Variants in AATF observed in about 807,000 individuals in gnomAD.
The protein encoded by AATF is protein AATF.
Under a neutral mutation model 63.7 loss-of-function variants are expected in AATF, and 48 were observed. The observed-to-expected ratio is 0.75, with a 90% CI of 0.60 to 0.96. AATF has a LOEUF of 0.96. AATF is among the 40% of genes least tolerant of loss of function. The pLI, the probability that AATF is intolerant of heterozygous loss-of-function variation, is 0.00. For missense variants in AATF, 639 were observed against 685.7 expected (o/e 0.93, Z 0.76); for synonymous variants, 258 against 247.7 (o/e 1.04, Z -0.39).
intron 11 of AATF, among the ~76,000 whole-genome samples, chr17:37,037,340 G>C (rs2071601810): frequency 6.6e-6 from 1 of 152,154 alleles, no homozygotes; most frequent in Non-Finnish European, 1.5e-5. Context: ...AAGAGGCAAA[G>C]GATCACTTGT....
At chr17:36,958,934 C>A (rs2070923903) in intron 4 of AATF, among the ~76,000 whole-genome samples, 1 of 151,896 alleles carries the variant, frequency 6.6e-6, no homozygotes, top group Admixed American at 6.6e-5. Flanking sequence ...CACCTGAGGT[C>A]AGGAGTTCGA....
intron 10 of AATF, among the ~76,000 whole-genome samples, chr17:37,021,905 T>C (rs1321834979): frequency 6.6e-6 from 1 of 152,014 alleles, no homozygotes; most frequent in East Asian, 1.9e-4. Context: ...CACAGTATGC[T>C]AAAAAGATAT....
intron 8 of AATF, among the ~76,000 whole-genome samples, chr17:36,991,650 A>G (rs971524875): frequency 5.3e-5 from 8 of 151,634 alleles, no homozygotes; most frequent in Middle Eastern, 3.4e-3. Context: ...CAGTGGCGCA[A>G]TCTCGGCTCA....
Position 36,949,052 on chromosome 17 carries a change from G to C in AATF, c.-74G>C. ...GATCAAGGCGAGAGGATCCGGCAGG[G>C]AAGGAGCTTCGGGGCCGGGGGTTGG... On this transcript the variant is annotated 5_prime_UTR_variant, in exon 1 of 12. Transcript: ENST00000619387. 2 of 1,324,216 alleles carry C rather than the reference G, an allele frequency of 1.5e-6. No homozygotes were observed. The highest frequency in any genetic ancestry group is 2.6e-5 in the East Asian group (1 of 38,928). The allele number at this position is 1,324,216 out of a possible 1,614,324, so 82.0% of individuals were successfully genotyped here.
chr17:36,990,699 A>G (rs1266217796), intron 7 of AATF, 75 bp from the exon 8 acceptor site: 10 of 890,954 alleles, frequency 1.1e-5, no homozygotes, highest in Admixed American at 2.7e-5. Context: ...ACTGTTCTAC[A>G]TATTATTTAT....
rs1197584220 is a variant in AATF, at chr17:36,986,727, G to A, written c.943G>A (p.Gly315Arg). 1 of 1,611,950 alleles carries A rather than the reference G, an allele frequency of 6.2e-7. No individual in the cohort carries two copies. Among genetic ancestry groups the A allele is most frequent in the African/African-American group, 1.3e-5 (1 of 74,946 alleles). ...YLVDGTKPNA[G>R]SEEISSEDDE... ...AGTAGATGGGACAAAGCCCAATGCG[G>A]GAAGGTAAGAGAACAGAATCATGGA... is the stretch of plus-strand genomic sequence containing the variant. Residue 315 changes from glycine to arginine, a missense_variant, in exon 5 of 12, where the codon GGA becomes AGA. By Grantham distance (125) the Gly-to-Arg change is moderately radical. Transcript: ENST00000619387.
intron 8 of AATF, among the ~76,000 whole-genome samples, chr17:37,012,269 G>A (rs1029724845): frequency 1.3e-5 from 2 of 152,072 alleles, no homozygotes; most frequent in Admixed American, 6.5e-5. Flanking sequence ...TGGCCAGGCT[G>A]GTCTCGAACT....
intron 4 of AATF, among the ~76,000 whole-genome samples, chr17:36,965,746 C>T (rs770789870): frequency 1.1e-4 from 16 of 152,100 alleles, no homozygotes; most frequent in East Asian, 1.9e-4. Context: ...CTCTTGCCCA[C>T]GCTGGAGTGT....
At chr17:36,952,804 C>T in intron 2 of AATF, 82 bp from the exon 3 acceptor site, 1 of 1,528,938 alleles carries the variant, frequency 6.5e-7, no homozygotes, top group Non-Finnish European at 8.8e-7. Context: ...TGCCACAGTG[C>T]TTAAGTTGAA....
intron 11 of AATF, among the ~76,000 whole-genome samples, chr17:37,048,453 C>T (rs1208799601): frequency 6.7e-6 from 1 of 150,106 alleles, no homozygotes; most frequent in Non-Finnish European, 1.5e-5. Flanking sequence ...TCACTGCAAC[C>T]TCCGCCTCCC....
chr17:37,049,280 C>T (rs917328427), intron 11 of AATF, among the ~76,000 whole-genome samples: 2 of 152,126 alleles, frequency 1.3e-5, no homozygotes, highest in Non-Finnish European at 2.9e-5. Flanking sequence ...TTCTATTAAG[C>T]TGGTTTCTCT....
chr17:36,954,584 A>G (rs957593999), intron 4 of AATF, among the ~76,000 whole-genome samples: 10 of 152,232 alleles, frequency 6.6e-5, no homozygotes, highest in Non-Finnish European at 1.5e-5. Flanking sequence ...GAGTGAGGAA[A>G]GATGATATGC....
intron 8 of AATF, among the ~76,000 whole-genome samples, chr17:37,004,237 A>G (rs1216920798): frequency 6.6e-6 from 1 of 152,188 alleles, no homozygotes; most frequent in Non-Finnish European, 1.5e-5. Flanking sequence ...AGGCCGAGGC[A>G]GGAGAATTGC....
At chr17:36,989,896 CA>C (rs1443445397) in intron 7 of AATF, among the ~76,000 whole-genome samples, 1 of 151,818 alleles carries the variant, frequency 6.6e-6, no homozygotes, top group Non-Finnish European at 1.5e-5. Flanking sequence ...AAATGAAAAG[CA>C]AAATTCTCTA....
chr17:36,979,020 G>A (rs1239042858), intron 4 of AATF, among the ~76,000 whole-genome samples: 2 of 151,952 alleles, frequency 1.3e-5, no homozygotes, highest in African/African-American at 4.8e-5. Flanking sequence ...CACTCACACA[G>A]CTTTGTAATC....
At chr17:37,035,633 G>C (rs1201444566) in intron 11 of AATF, among the ~76,000 whole-genome samples, 2 of 151,082 alleles carry the variant, frequency 1.3e-5, no homozygotes, top group Non-Finnish European at 2.9e-5. Context: ...CCACCTCCTA[G>C]GTTCAGCAAT....
At chr17:37,034,367 T>C (rs1415907238) in intron 11 of AATF, among the ~76,000 whole-genome samples, 2 of 150,332 alleles carry the variant, frequency 1.3e-5, no homozygotes, top group East Asian at 3.9e-4. Flanking sequence ...TCCTCCTTTG[T>C]TTTTTTTTAG....
intron 11 of AATF, among the ~76,000 whole-genome samples, chr17:37,033,184 C>T (rs547848383): frequency 1.9e-4 from 29 of 152,318 alleles, no homozygotes; most frequent in African/African-American, 6.7e-4. Context: ...TTTGTGACCA[C>T]ATCTGCTATC....
At chr17:36,975,803 C>T (rs950093551) in intron 4 of AATF, among the ~76,000 whole-genome samples, 2 of 152,138 alleles carry the variant, frequency 1.3e-5, no homozygotes, top group African/African-American at 2.4e-5. Flanking sequence ...CCTTTCGGCA[C>T]GTTTTTGCCA....
Sources: gnomAD v4.1 joint callset for allele counts (sites outside exome capture counted in the v4.1 genomes callset) on GRCh38, gnomAD v4.1.1 for gene constraint, MANE v1.5 for transcripts, NCBI Gene and HGNC (gene_info 2026-07-23, HGNC 2026-07-21) for gene names.